The following ZBTB46 variants were observed in gnomAD, a reference collection of about 807,000 sequenced individuals.
ZBTB46 encodes zinc finger and BTB domain-containing protein 46.
Under a neutral mutation model 44.1 loss-of-function variants are expected in ZBTB46, and 8 were observed. The ratio of observed to expected loss-of-function variants is 0.18; its 90% CI spans 0.11 to 0.33. ZBTB46 has a LOEUF of 0.33. Among genes scored for constraint, ZBTB46 ranks in the 10% least tolerant of loss-of-function variants. ZBTB46 has a pLI of 1.00. For synonymous variants in ZBTB46, 409 were observed against 382.3 expected, an observed-to-expected ratio of 1.07 and a Z score of -0.81; for missense variants, 651 against 847.7, an observed-to-expected ratio of 0.77 and a Z score of 2.88.
At chr20:63,818,726 C>T (rs890643132) in intron 1 of ZBTB46, among the ~76,000 whole-genome samples, 6 of 151,524 alleles carry the variant, frequency 4.0e-5, no homozygotes, top group Non-Finnish European at 7.4e-5. Flanking sequence ...GGCATGGTGG[C>T]AGACACCTGT....
At position 63,790,790 on chromosome 20, in the gene ZBTB46, T is replaced by C. The variant is rs1393271480; in HGVS notation, c.-33A>G. Reference sequence around the variant, plus strand: ...CCCTGGTGTCGCCTCTTCTACAGACTCTGTGGAGGTAAGAACAAGAGTTAC... The same window carrying C: ...CCCTGGTGTCGCCTCTTCTACAGACCCTGTGGAGGTAAGAACAAGAGTTAC... On this transcript the variant is annotated splice_region_variant and 5_prime_UTR_variant, in exon 2 of 5. Coordinates refer to ENST00000245663, the MANE Select transcript of ZBTB46 (RefSeq NM_001369741.1). 1 of 1,554,834 alleles carries C rather than the reference T, an allele frequency of 6.4e-7. No homozygotes were observed. The highest frequency in any genetic ancestry group is 1.8e-5 in the Admixed American group (1 of 55,346).
intron 4 of ZBTB46, among the ~76,000 whole-genome samples, chr20:63,747,557 CAGGGCCCGGTTGG>C (rs2092115966): frequency 1.7e-5 from 1 of 57,894 alleles, no homozygotes; most frequent in Non-Finnish European, 3.3e-5. Flanking sequence ...CGGGGGTGAG[CAGGGCCCGGTTGG>C]GGTTGGGGGG....
rs2145727272 is a variant in ZBTB46 at position 63,744,010 on chromosome 20, G to A, written c.*2920C>T. On this transcript the variant is annotated 3_prime_UTR_variant, in exon 5 of 5. Transcript: ENST00000245663. ...TTGTGTGTTTTGTTTTTGTTGACAG[G>A]TTGAAAGCATGTTGAAAAAAATAAA... 6.6e-6 allele frequency: 1 copy of A among 152,020 alleles called. No homozygotes were observed. Among genetic ancestry groups the A allele is most frequent in the Non-Finnish European group, 1.5e-5 (1 of 68,008 alleles). The allele number at this position is 152,020 out of a possible 1,614,324, so 9.4% of individuals were successfully genotyped here.
In ZBTB46 at chr20:63,803,212, C is replaced by G. The variant is rs1311369046; in HGVS notation, c.-33-12422G>C. 2.6e-6 allele frequency: 2 copies of G among 772,526 alleles called. No homozygotes were observed. The highest frequency in any genetic ancestry group is 2.6e-4 in the East Asian group (2 of 7,778). The allele number at this position is 772,526 out of a possible 1,614,324, so 47.9% of individuals were successfully genotyped here. ...ACCATCCCCCAGGGCGCCTCACCAG[C>G]AGGAACCAGGCACCTCCCCTCACAC... On this transcript the variant is annotated intron_variant, in intron 1 of 4. Coordinates refer to ENST00000245663, the MANE Select transcript of ZBTB46 (RefSeq NM_001369741.1). This position sits in a 1 kb window ranked among gnomAD's most constrained non-coding sequence, Gnocchi z 4.0.
intron 3 of ZBTB46, among the ~76,000 whole-genome samples, chr20:63,769,673 C>T (rs2092350553): frequency 6.6e-6 from 1 of 152,134 alleles, no homozygotes. Context: ...CTCTGGACTG[C>T]AGAAATGCTC....
chr20:63,761,828 G>T (rs2145804399), intron 3 of ZBTB46, among the ~76,000 whole-genome samples: 1 of 150,598 alleles, frequency 6.6e-6, no homozygotes, highest in African/African-American at 2.4e-5. Context: ...TTTATTCTTT[G>T]ACTTGAGGGT....
Position 63,805,728 on chromosome 20 carries a change from A to G in ZBTB46, c.-33-14938T>C, listed in dbSNP as rs369644662. Among the ~76,000 whole-genome samples the G allele has an allele frequency of 1.4e-4, 21 of 151,846 alleles. No homozygotes were observed. In the South Asian group the frequency reaches 2.7e-3, roughly 20 times the overall value. On this transcript the variant is annotated intron_variant, in intron 1 of 4. Coordinates refer to ENST00000245663, the MANE Select transcript of ZBTB46 (RefSeq NM_001369741.1). ...CTTTCACAGCAGCCCCAGGAAACTA[A>G]TACACAAAGCCATGCATCAGCTTTT... is the stretch of plus-strand genomic sequence containing the variant.
chr20:63,825,948 C>T (rs150316303), intron 1 of ZBTB46, among the ~76,000 whole-genome samples: 1 of 152,370 alleles, frequency 6.6e-6, no homozygotes, highest in East Asian at 1.9e-4. Context: ...CCCAGAGTAA[C>T]GTGGGCCACG....
chr20:63,805,807 G>A (rs1227844234), intron 1 of ZBTB46, among the ~76,000 whole-genome samples: 1 of 151,652 alleles, frequency 6.6e-6, no homozygotes, highest in Admixed American at 6.6e-5. Flanking sequence ...CCAGGCTGGA[G>A]GGCAGTGGCA....
upstream of ZBTB46, among the ~76,000 whole-genome samples, chr20:63,831,936 C>T (rs1225296462): frequency 6.6e-6 from 1 of 151,996 alleles, no homozygotes; most frequent in African/African-American, 2.4e-5. Context: ...GCCTGGGCAC[C>T]GCGCGCGCCT....
At chr20:63,775,526 C>T (rs971769739) in intron 3 of ZBTB46, 152 bp downstream of exon 3, 4 of 1,030,850 alleles carry the variant, frequency 3.9e-6, no homozygotes, top group Admixed American at 6.2e-5. Flanking sequence ...CAGGCTGTGA[C>T]GCCGCATCCT....
chr20:63,752,364 G>A lies in ZBTB46; in HGVS notation c.1398+322C>T, dbSNP rs1248469642. ...TTCTCCCTCCCGAGGCAGGGCGGGG[G>A]CGGGGGGGCGCAGAGGTGGCTGAGG... On this transcript the variant is annotated intron_variant, in intron 4 of 4. Coordinates refer to ENST00000245663, the MANE Select transcript of ZBTB46 (RefSeq NM_001369741.1). This position sits in a 1 kb window ranked among gnomAD's most constrained non-coding sequence, Gnocchi z 5.6. 1.3e-5 allele frequency among the ~76,000 whole-genome samples: 2 copies of A among 152,052 alleles called. No homozygotes were observed. Among genetic ancestry groups the A allele is most frequent in the Admixed American group, 1.3e-4 (2 of 15,266 alleles).
At chr20:63,747,750 C>T (rs541059771) in intron 4 of ZBTB46, among the ~76,000 whole-genome samples, 22 of 152,234 alleles carry the variant, frequency 1.4e-4, no homozygotes, top group Admixed American at 3.9e-4. Context: ...GGCACGAGGG[C>T]GGCAGTGCCC....
chr20:63,821,060 T>C (rs1223734394), intron 1 of ZBTB46, among the ~76,000 whole-genome samples: 1 of 151,868 alleles, frequency 6.6e-6, no homozygotes, highest in East Asian at 1.9e-4. Context: ...GCCCAGCTAA[T>C]TTTTGTATTT....
At position 63,744,796 on chromosome 20, in the gene ZBTB46, G is replaced by C. The variant is rs548540565; in HGVS notation, c.*2134C>G. ...TAGCTCCGGCGGGGAACCCCAAAAC[G>C]GTCAGCAAAGGCAGGCCACACGGAG... On this transcript the variant is annotated 3_prime_UTR_variant, in exon 5 of 5. Transcript: ENST00000245663. 1 of 152,498 alleles carries C rather than the reference G, an allele frequency of 6.6e-6. No individual in the cohort carries two copies. Among genetic ancestry groups the C allele is most frequent in the South Asian group, 2.1e-4 (1 of 4,822 alleles). The allele number at this position is 152,498 out of a possible 1,614,324, so 9.4% of individuals were successfully genotyped here.
At chr20:63,828,163 A>T (rs1343942684) in intron 1 of ZBTB46, among the ~76,000 whole-genome samples, 1 of 152,238 alleles carries the variant, frequency 6.6e-6, no homozygotes, top group Non-Finnish European at 1.5e-5. Context: ...GCCCTTTGTC[A>T]TCACCAGCAA....
At position 63,746,956 on chromosome 20, in the gene ZBTB46, C is replaced by G. The variant is rs1465982672; in HGVS notation, c.1744G>C (p.Asp582His). ...PRPRSPPGGP[D>H]KDFAWLS The stretch of plus-strand genomic sequence containing the variant: ...TAGGAGAGCCAGGCGAAGTCCTTGT[C>G]AGGGCCTCCTGGGGGGCTGCGCGGC... Residue 582 changes from aspartate (D) to histidine (H), a missense_variant, in exon 5 of 5, where the codon GAC becomes CAC. Asp to His is a moderately conservative substitution (Grantham distance 81). Transcript: ENST00000245663. 5 of 1,584,788 alleles carry G rather than the reference C, an allele frequency of 3.2e-6. No individual in the cohort carries two copies. The highest frequency in any genetic ancestry group is 4.3e-6 in the Non-Finnish European group (5 of 1,169,304).
rs202209534 is a variant in ZBTB46 at position 63,790,614 on chromosome 20, G to T, written c.144C>A (p.Val48=). ...EGKVFKAHKN[V]LLGSSRYFKT... The stretch of plus-strand genomic sequence containing the variant: ...TGAAGTAGCGGCTGCTGCCCAGCAG[G>T]ACGTTCTTGTGCGCCTTGAAGACCT... Residue 48 remains valine (V), a synonymous_variant, in exon 2 of 5, where the codon GTC becomes GTA. Transcript: ENST00000245663. 17 of 1,611,806 alleles carry T rather than the reference G, an allele frequency of 1.1e-5. No homozygotes were observed. The East Asian group carries it at 3.6e-4, about 34-fold the overall frequency.
chr20:63,772,763 A>ACC (rs1451157610), intron 3 of ZBTB46, among the ~76,000 whole-genome samples: 6 of 11,798 alleles, frequency 5.1e-4, no homozygotes, highest in East Asian at 4.8e-3. Context: ...ACACACACAC[A>ACC]CACAGAAGTG....
Sources: allele counts gnomAD v4.1 joint callset (sites outside exome capture counted in the v4.1 genomes callset), GRCh38; gene constraint gnomAD v4.1.1; non-coding constraint Gnocchi (gnomAD v3.1); transcripts MANE v1.5; gene names NCBI Gene and HGNC (gene_info 2026-07-23, HGNC 2026-07-21).